SNTG2: variants seen among roughly 807,000 people sequenced by gnomAD.
SNTG2 encodes gamma-2-syntrophin.
Under a neutral mutation model 70.9 loss-of-function variants are expected in SNTG2, and 74 were observed. That is an observed-to-expected ratio of 1.04 (90% CI 0.86 to 1.27). The LOEUF is 1.27. SNTG2 is among the 50% of genes most tolerant of loss of function. The probability of loss-of-function intolerance (pLI) is 0.00; values close to 1 mark genes in which losing one functional copy is unlikely to be tolerated. For missense variants in SNTG2, 717 were observed against 690.7 expected (o/e 1.04, Z -0.43); for synonymous variants, 278 against 273.8 (o/e 1.02, Z -0.15).
chr2:1,125,226 A>G (rs1667626676), intron 4 of SNTG2, among the ~76,000 whole-genome samples: 1 of 152,206 alleles, frequency 6.6e-6, no homozygotes, highest in African/African-American at 2.4e-5. Context: ...AATAGCTACT[A>G]AAGTCTGGCT....
intron 16 of SNTG2, among the ~76,000 whole-genome samples, chr2:1,318,185 A>G (rs1338641144): frequency 6.6e-6 from 1 of 152,126 alleles, no homozygotes; most frequent in Non-Finnish European, 1.5e-5. Context: ...ATATAAACTT[A>G]ATAAGACTAA....
chr2:1,320,123 C>T (rs866438709), intron 16 of SNTG2, among the ~76,000 whole-genome samples: 19 of 152,238 alleles, frequency 1.2e-4, no homozygotes, highest in South Asian at 6.2e-4. Context: ...TCTACCAGGA[C>T]GCTACCTTAG....
chr2:1,286,676 T>C (rs1168676574), intron 14 of SNTG2, among the ~76,000 whole-genome samples: 2 of 152,172 alleles, frequency 1.3e-5, no homozygotes, highest in Admixed American at 1.3e-4. Flanking sequence ...CCTCTGCCCT[T>C]TCCATGATGG....
At chr2:1,213,240 A>T (rs1327416484) in intron 9 of SNTG2, among the ~76,000 whole-genome samples, 1 of 152,146 alleles carries the variant, frequency 6.6e-6, no homozygotes, top group Non-Finnish European at 1.5e-5. Context: ...TTTAAAATCT[A>T]CTCTTTTAGC....
In SNTG2 at chr2:1,267,579, A is replaced by C. The variant is rs754622953; in HGVS notation, c.1284+8A>C. 6 of 1,611,646 alleles carry C rather than the reference A, an allele frequency of 3.7e-6. No homozygotes were observed. The highest frequency in any genetic ancestry group is 5.1e-6 in the Non-Finnish European group (6 of 1,179,466). On this transcript the variant is annotated splice_region_variant and intron_variant, in intron 14 of 16. Transcript: ENST00000308624. The stretch of plus-strand genomic sequence containing the variant: ...GAAGTTCAGAGAACCGGGGTAAGTG[A>C]ACAACTCACACTCTTCTCACCTACA...
chr2:1,085,016 C>T (rs1427419265), intron 2 of SNTG2, among the ~76,000 whole-genome samples: 6 of 152,180 alleles, frequency 3.9e-5, no homozygotes, highest in African/African-American at 1.4e-4. Flanking sequence ...ACGGCCTCTG[C>T]GTTCAAGAGG....
At position 1,181,284 on chromosome 2, in the gene SNTG2, C is replaced by A. The variant is rs1004918960; in HGVS notation, c.591+8101C>A. Among the ~76,000 whole-genome samples, 3 of 152,234 alleles carry A rather than the reference C, an allele frequency of 2.0e-5. No individual in the cohort carries two copies. The South Asian group carries it at 6.2e-4, about 32-fold the overall frequency. The stretch of plus-strand genomic sequence containing the variant: ...CAAGAGTGTGTTTTATGGTACCTAG[C>A]AAAGTGGTAATACTAGCATTGATAG... On this transcript the variant is annotated intron_variant, in intron 8 of 16. Coordinates refer to ENST00000308624, the MANE Select transcript of SNTG2 (RefSeq NM_018968.4).
At chr2:1,007,806 C>G (rs1018739100) in intron 1 of SNTG2, among the ~76,000 whole-genome samples, 4 of 152,166 alleles carry the variant, frequency 2.6e-5, no homozygotes, top group African/African-American at 9.7e-5. Context: ...GACTCTCACT[C>G]GATGTCACCC....
intron 14 of SNTG2, among the ~76,000 whole-genome samples, chr2:1,299,194 G>A (rs1680346075): frequency 6.6e-6 from 1 of 152,156 alleles, no homozygotes; most frequent in African/African-American, 2.4e-5. Context: ...GCTGCTTTCC[G>A]GGCCGTGGAA....
At chr2:965,600 C>T (rs180691478) in intron 1 of SNTG2, among the ~76,000 whole-genome samples, 4 of 149,192 alleles carry the variant, frequency 2.7e-5, no homozygotes, top group African/African-American at 7.7e-5. Flanking sequence ...CCTCCTCCTC[C>T]GTTGCCCCTG....
At chr2:1,151,404 T>G (rs78638873) in intron 6 of SNTG2, among the ~76,000 whole-genome samples, 1,544 of 136,728 alleles carry the variant, frequency 0.011, 19 homozygotes, top group African/African-American at 0.044. Context: ...CTTGTTTGGC[T>G]CAAACATTTC....
At chr2:1,036,379 A>G (rs1176026851) in intron 1 of SNTG2, among the ~76,000 whole-genome samples, 2 of 152,102 alleles carry the variant, frequency 1.3e-5, no homozygotes, top group Admixed American at 1.3e-4. Context: ...AAACGTTTAG[A>G]AGAATTCAAC....
At chr2:1,042,777 G>A (rs1408312736) in intron 1 of SNTG2, among the ~76,000 whole-genome samples, 2 of 152,142 alleles carry the variant, frequency 1.3e-5, no homozygotes, top group Non-Finnish European at 2.9e-5. Context: ...CTGTTGATGG[G>A]CATCTGGGTT....
At chr2:1,058,098 C>T (rs537401580) in intron 1 of SNTG2, among the ~76,000 whole-genome samples, 3 of 151,938 alleles carry the variant, frequency 2.0e-5, no homozygotes, top group Non-Finnish European at 4.4e-5. Context: ...TTTGTATCTG[C>T]ATTCTTTTCT....
At chr2:990,680 A>C (rs1255645553) in intron 1 of SNTG2, among the ~76,000 whole-genome samples, 1 of 152,222 alleles carries the variant, frequency 6.6e-6, no homozygotes, top group Admixed American at 6.5e-5. Context: ...AATTGTGAGC[A>C]TAATTTTTTG....
At chr2:1,051,153 CCTCT>C (rs148379876) in intron 1 of SNTG2, among the ~76,000 whole-genome samples, 5 of 146,260 alleles carry the variant, frequency 3.4e-5, no homozygotes, top group African/African-American at 5.0e-5. Context: ...TTCCTCCCTC[CCTCT>C]CCCCCTTTCT....
chr2:1,001,455 C>T (rs1659393085), intron 1 of SNTG2, among the ~76,000 whole-genome samples: 1 of 152,082 alleles, frequency 6.6e-6, no homozygotes, highest in East Asian at 1.9e-4. Context: ...AAATCAGTAG[C>T]ATTTTTATAC....
intron 13 of SNTG2, among the ~76,000 whole-genome samples, chr2:1,265,226 A>G (rs767875087): frequency 1.8e-4 from 27 of 152,344 alleles, no homozygotes; most frequent in Middle Eastern, 3.4e-3. Flanking sequence ...GTGTAACCCT[A>G]TAGGTTCCAG....
intron 1 of SNTG2, among the ~76,000 whole-genome samples, chr2:1,009,160 C>G (rs544929328): frequency 1.5e-5 from 2 of 134,040 alleles, no homozygotes; most frequent in East Asian, 4.2e-4. Context: ...CACCTGTGTC[C>G]CCGGGAAGAC....
Sources: gnomAD v4.1 joint callset for allele counts (sites outside exome capture counted in the v4.1 genomes callset) on GRCh38, gnomAD v4.1.1 for gene constraint, MANE v1.5 for transcripts, NCBI Gene and HGNC (gene_info 2026-07-23, HGNC 2026-07-21) for gene names.